Variants in CAMK4 observed in about 807,000 individuals in gnomAD.
CAMK4 encodes the protein calcium/calmodulin dependent protein kinase IV.
A neutral mutation model predicts 44.9 loss-of-function variants in CAMK4; 22 were observed. The ratio of observed to expected loss-of-function variants is 0.49; its 90% CI spans 0.35 to 0.70. The LOEUF is 0.70. Among genes scored for constraint, CAMK4 ranks in the 30% least tolerant of loss-of-function variants. The probability of loss-of-function intolerance (pLI) is 0.01; values close to 1 mark genes in which losing one functional copy is unlikely to be tolerated. For synonymous variants in CAMK4, 218 were observed against 215.4 expected (o/e 1.01, Z -0.11); for missense variants, 498 against 586.8 (o/e 0.85, Z 1.56).
intron 5 of CAMK4, among the ~76,000 whole-genome samples, chr5:111,438,371 T>C (rs934246825): frequency 2.0e-5 from 3 of 152,326 alleles, no homozygotes; most frequent in Non-Finnish European, 4.4e-5. Context: ...GTTTAGTTAA[T>C]GTGAGAATAG....
At chr5:111,235,595 A>C (rs1353705033) in intron 1 of CAMK4, among the ~76,000 whole-genome samples, 3 of 152,246 alleles carry the variant, frequency 2.0e-5, no homozygotes. Context: ...CGTAATAAAC[A>C]GAGCTTATCA....
chr5:111,414,508 T>A (rs1016223315), intron 5 of CAMK4, among the ~76,000 whole-genome samples: 3 of 151,990 alleles, frequency 2.0e-5, no homozygotes, highest in Non-Finnish European at 4.4e-5. Flanking sequence ...CAAAAATGAC[T>A]CCATTACCAC....
At chr5:111,433,671 A>G (rs935455644) in intron 5 of CAMK4, among the ~76,000 whole-genome samples, 1 of 152,218 alleles carries the variant, frequency 6.6e-6, no homozygotes, top group African/African-American at 2.4e-5. Flanking sequence ...AAGAATCTCT[A>G]TAAAATACAT....
intron 1 of CAMK4, among the ~76,000 whole-genome samples, chr5:111,242,835 C>T (rs996701269): frequency 2.7e-4 from 40 of 149,168 alleles, no homozygotes; most frequent in African/African-American, 9.6e-4. Context: ...CCCCTCACTC[C>T]ACGCCCCCTC....
chr5:111,341,226 C>G (rs773598155), intron 1 of CAMK4, among the ~76,000 whole-genome samples: 13 of 151,100 alleles, frequency 8.6e-5, no homozygotes, highest in Non-Finnish European at 1.5e-4. Context: ...TTTACTTGTT[C>G]TTTCATTTAT....
At chr5:111,338,562 G>A (rs1320462835) in intron 1 of CAMK4, among the ~76,000 whole-genome samples, 1 of 151,334 alleles carries the variant, frequency 6.6e-6, no homozygotes, top group East Asian at 2.0e-4. Flanking sequence ...CAGAAAGGTG[G>A]TTCCTTGATT....
chr5:111,407,992 C>A (rs1457116252), intron 5 of CAMK4, among the ~76,000 whole-genome samples: 1 of 151,998 alleles, frequency 6.6e-6, no homozygotes, highest in African/African-American at 2.4e-5. Context: ...GGGCATGGTC[C>A]CAGCTACTCA....
intron 7 of CAMK4, among the ~76,000 whole-genome samples, chr5:111,463,762 T>A (rs1754724049): frequency 6.6e-6 from 1 of 152,162 alleles, no homozygotes; most frequent in African/African-American, 2.4e-5. Context: ...GCAGTTTGCC[T>A]TTCGGGAAGC....
At position 111,429,955 on chromosome 5, in the gene CAMK4, C is replaced by T. The variant is rs192118151; in HGVS notation, c.460-16731C>T. Among the ~76,000 whole-genome samples, 170 of 148,588 alleles carry T rather than the reference C, an allele frequency of 1.1e-3. No individual in the cohort carries two copies. In the Middle Eastern group the frequency reaches 0.014, roughly 12 times the overall value. Reference sequence around the variant, plus strand: ...AAAATAGAAGAGGAGGGAATACCTCCAAACTCATTCTATGAGGCCATTATT... The same window carrying T: ...AAAATAGAAGAGGAGGGAATACCTCTAAACTCATTCTATGAGGCCATTATT... On this transcript the variant is annotated intron_variant, in intron 5 of 10. Transcript: ENST00000282356.
chr5:111,478,608 A>G (rs905814758), intron 9 of CAMK4, 101 bp downstream of exon 9: 19 of 496,560 alleles, frequency 3.8e-5, no homozygotes, highest in African/African-American at 2.8e-4. Context: ...TATTAATGCC[A>G]TATTTTCTTT....
At chr5:111,267,560 G>C (rs556073266) in intron 1 of CAMK4, among the ~76,000 whole-genome samples, 1 of 151,818 alleles carries the variant, frequency 6.6e-6, no homozygotes, top group African/African-American at 2.4e-5. Context: ...AAAAATTAGC[G>C]GGGCGCAGTG....
intron 4 of CAMK4, among the ~76,000 whole-genome samples, chr5:111,382,236 A>C (rs540846961): frequency 3.9e-5 from 6 of 152,214 alleles, no homozygotes; most frequent in Admixed American, 1.3e-4. Context: ...CCTCACCTCC[A>C]GTCCTACTAT....
At chr5:111,412,136 G>A (rs1200261122) in intron 5 of CAMK4, among the ~76,000 whole-genome samples, 1 of 152,050 alleles carries the variant, frequency 6.6e-6, no homozygotes. Context: ...GAAGTTGTAG[G>A]TAATTATTTA....
Position 111,491,794 on chromosome 5 carries a change from C to T in CAMK4, c.*7328C>T, listed in dbSNP as rs573031478. 1.4e-4 allele frequency: 22 copies of T among 152,220 alleles called. No individual in the cohort carries two copies. The highest frequency in any genetic ancestry group is 4.3e-4 in the African/African-American group (18 of 41,538). 9.4% of individuals were successfully genotyped at this position (152,220 alleles called of 1,614,324 possible). A position where few individuals can be genotyped will look rare whatever the true frequency, so the allele number is the denominator to read the frequency against. On this transcript the variant is annotated 3_prime_UTR_variant, in exon 11 of 11. Transcript: ENST00000282356. ...TTACTAAGCTAAGAAATAAGAAGAT[C>T]CCTATGGTTCTGAATCTCTCATAAT...
At chr5:111,277,544 C>G (rs1750819902) in intron 1 of CAMK4, 1 of 152,148 alleles carries the variant, frequency 6.6e-6, no homozygotes, top group Non-Finnish European at 1.5e-5. Context: ...GTTACAGTTA[C>G]TTCAGTTTTG....
chr5:111,271,336 A>T (rs561041320), intron 1 of CAMK4, among the ~76,000 whole-genome samples: 21 of 152,216 alleles, frequency 1.4e-4, no homozygotes, highest in Non-Finnish European at 3.1e-4. Context: ...CATTAAGATA[A>T]AGGATAACAA....
At chr5:111,280,010 G>A (rs1358097299) in intron 1 of CAMK4, among the ~76,000 whole-genome samples, 1 of 152,176 alleles carries the variant, frequency 6.6e-6, no homozygotes, top group Non-Finnish European at 1.5e-5. Context: ...CAGCAGTATT[G>A]AGGTCAGAAG....
At chr5:111,350,278 A>G (rs1750040031) in intron 2 of CAMK4, among the ~76,000 whole-genome samples, 1 of 152,124 alleles carries the variant, frequency 6.6e-6, no homozygotes, top group African/African-American at 2.4e-5. Flanking sequence ...GTGTTCACAC[A>G]GATATTTCAT....
At chr5:111,320,555 G>T (rs1748620434) in intron 1 of CAMK4, among the ~76,000 whole-genome samples, 1 of 152,288 alleles carries the variant, frequency 6.6e-6, no homozygotes, top group East Asian at 1.9e-4. Flanking sequence ...TGCCCAGGGT[G>T]GAGTGCAATG....
Sources: gnomAD v4.1 joint callset for allele counts (sites outside exome capture counted in the v4.1 genomes callset) on GRCh38, gnomAD v4.1.1 for gene constraint, MANE v1.5 for transcripts, NCBI Gene and HGNC (gene_info 2026-07-23, HGNC 2026-07-21) for gene names.